The following HK1 variants were observed in gnomAD, a reference collection of about 807,000 sequenced individuals.
HK1 encodes hexokinase 1.
Under a neutral mutation model 91.6 loss-of-function variants are expected in HK1, and 28 were observed. That is an observed-to-expected ratio of 0.31 (90% CI 0.23 to 0.42). The LOEUF (loss-of-function observed/expected upper bound fraction) is 0.42. HK1 is among the 10% of genes least tolerant of loss of function. The pLI, the probability that HK1 is intolerant of heterozygous loss-of-function variation, is 1.00. For missense variants in HK1, 770 were observed against 1,219.8 expected (o/e 0.63, Z 5.49); for synonymous variants, 430 against 468.1 (o/e 0.92, Z 1.05).
chr10:69,316,594 G>A (rs1466668319), upstream of HK1, among the ~76,000 whole-genome samples: 3 of 152,238 alleles, frequency 2.0e-5, no homozygotes, highest in Admixed American at 6.5e-5. Flanking sequence ...GGAAGACAAA[G>A]CAGAGGCAGC....
At chr10:69,270,541 C>T (rs1261678671) in intron 1 of HK1, among the ~76,000 whole-genome samples, 4 of 151,898 alleles carry the variant, frequency 2.6e-5, no homozygotes, top group African/African-American at 7.3e-5. Flanking sequence ...CAAGATTGTG[C>T]CACTGCACTC....
chr10:69,382,366 C>A lies in HK1; in HGVS notation c.1266-121C>A, dbSNP rs575563456. The A allele has an allele frequency of 2.0e-5, 21 of 1,065,260 alleles. No individual in the cohort carries two copies. The South Asian group carries it at 2.3e-4, about 12-fold the overall frequency. 66.0% of individuals were successfully genotyped at this position (1,065,260 alleles called of 1,614,324 possible). A position where few individuals can be genotyped will look rare whatever the true frequency, so the allele number is the denominator to read the frequency against. On this transcript the variant is annotated intron_variant, in intron 9 of 17. Coordinates refer to ENST00000359426, the MANE Select transcript of HK1 (RefSeq NM_000188.3). Reference sequence around the variant, plus strand: ...CTCCAGCCTGGGTGACAGAGCAAGACCCTGTCTCAAAAAAAAGGAAAAGAA... The same window carrying A: ...CTCCAGCCTGGGTGACAGAGCAAGAACCTGTCTCAAAAAAAAGGAAAAGAA...
chr10:69,355,836 G>A (rs926325005), intron 2 of HK1, among the ~76,000 whole-genome samples: 1 of 151,992 alleles, frequency 6.6e-6, no homozygotes, highest in Non-Finnish European at 1.5e-5. Flanking sequence ...CATACATTAC[G>A]GTCAATTGAC....
At chr10:69,339,651 C>A (rs1379915591) in intron 1 of HK1, among the ~76,000 whole-genome samples, 1 of 152,184 alleles carries the variant, frequency 6.6e-6, no homozygotes, top group Non-Finnish European at 1.5e-5. Context: ...GTTTTTGGAT[C>A]AATGTCTGTG....
At chr10:69,364,987 T>A in intron 4 of HK1, 85 bp downstream of exon 4, 3 of 1,499,452 alleles carry the variant, frequency 2.0e-6, no homozygotes, top group Non-Finnish European at 2.8e-6. Flanking sequence ...ACTTTTCCCC[T>A]TTGTTGGCAG....
Position 69,276,118 on chromosome 10 carries a change from A to AAAAAT in HK1, c.-391+6011_-391+6012insAAATA. On this transcript the variant is annotated intron_variant, in intron 1 of 21. Coordinates refer to the HK1 transcript ENST00000360289. Reference sequence around the variant, plus strand: ...AAAAAAAAAAAAAAAAAAAAAAAAAAATACATATATATATATATATACACA... The same window carrying AAAAAT: ...AAAAAAAAAAAAAAAAAAAAAAAAAAAAAATATACATATATATATATATATACACA... Among the ~76,000 whole-genome samples, 41 of 38,272 alleles carry AAAAAT rather than the reference A, an allele frequency of 1.1e-3. 6 individuals carry two copies. The highest frequency in any genetic ancestry group is 1.7e-3 in the Admixed American group (3 of 1,798). 25.1% of individuals were successfully genotyped at this position (38,272 alleles called of 152,430 possible).
rs1839525136 is a variant in HK1 at position 69,384,228 on chromosome 10, G to T, written c.1571-105G>T. ...GGAGGAGTTGCAGCTTCTCCTCTATGTTTGCTATGGGGTTCTCCCCTTGAA... is the reference window on the plus strand; with the variant it reads ...GGAGGAGTTGCAGCTTCTCCTCTATTTTTGCTATGGGGTTCTCCCCTTGAA... On this transcript the variant is annotated intron_variant, in intron 10 of 17. Coordinates refer to ENST00000359426, the MANE Select transcript of HK1 (RefSeq NM_000188.3). 2.9e-6 allele frequency: 4 copies of T among 1,368,232 alleles called. No homozygotes were observed. In the African/African-American group the frequency reaches 5.7e-5, roughly 20 times the overall value. The allele number at this position is 1,368,232 out of a possible 1,614,324, so 84.8% of individuals were successfully genotyped here. A position where few individuals can be genotyped will look rare whatever the true frequency, so the allele number is the denominator to read the frequency against.
At chr10:69,286,125 A>G (rs1457110199) in intron 2 of HK1, among the ~76,000 whole-genome samples, 1 of 152,184 alleles carries the variant, frequency 6.6e-6, no homozygotes, top group Non-Finnish European at 1.5e-5. Context: ...GAAGGCAAAA[A>G]TGTGTGTGGA....
At chr10:69,329,311 T>C (rs1847568988) in intron 1 of HK1, among the ~76,000 whole-genome samples, 1 of 152,054 alleles carries the variant, frequency 6.6e-6, no homozygotes, top group African/African-American at 2.4e-5. Context: ...TATAGGCGCA[T>C]GCCACCATGC....
chr10:69,324,256 C>T (rs571317684), intron 1 of HK1, among the ~76,000 whole-genome samples: 1 of 152,212 alleles, frequency 6.6e-6, no homozygotes, highest in Non-Finnish European at 1.5e-5. Flanking sequence ...GGGGTGACAA[C>T]TATAAACAAG....
intron 2 of HK1, among the ~76,000 whole-genome samples, chr10:69,353,269 G>C (rs566849092): frequency 4.8e-4 from 73 of 152,086 alleles, no homozygotes; most frequent in Non-Finnish European, 9.3e-4. Flanking sequence ...TTAATCAATC[G>C]CAACTGTGTA....
intron 7 of HK1, among the ~76,000 whole-genome samples, chr10:69,375,391 A>G (rs1293618725): frequency 6.6e-6 from 1 of 152,188 alleles, no homozygotes; most frequent in Non-Finnish European, 1.5e-5. Context: ...ACCAGTGCTG[A>G]GATTCCTGTT....
At chr10:69,339,108 G>C (rs1349072286) in intron 1 of HK1, among the ~76,000 whole-genome samples, 1 of 152,194 alleles carries the variant, frequency 6.6e-6, no homozygotes, top group East Asian at 1.9e-4. Context: ...GCTCAGTGAA[G>C]TGCTGGGTTC....
intron 10 of HK1, among the ~76,000 whole-genome samples, chr10:69,383,259 G>A (rs1157045152): frequency 6.6e-6 from 1 of 152,248 alleles, no homozygotes; most frequent in Non-Finnish European, 1.5e-5. Flanking sequence ...GCCAAGGAAA[G>A]CCAGCAGAAG....
At position 69,372,417 on chromosome 10, in the gene HK1, CA is replaced by C. The variant is rs1482464937; in HGVS notation, c.875+2794del. 3.3e-5 allele frequency among the ~76,000 whole-genome samples: 5 copies of C among 152,360 alleles called. No homozygotes were observed. The East Asian group carries it at 9.6e-4, about 29-fold the overall frequency. ...CCTAAGCAAATTTTTGCTGTGCCCC[CA>C]GGCTTCTATCTGAATCTTTGGATCT... On this transcript the variant is annotated intron_variant, in intron 7 of 17. Transcript: ENST00000359426.
chr10:69,346,426 A>G (rs990068787), intron 2 of HK1, among the ~76,000 whole-genome samples: 1 of 152,234 alleles, frequency 6.6e-6, no homozygotes, highest in African/African-American at 2.4e-5. Flanking sequence ...CTGACTTTCC[A>G]GAAGCATTTC....
chr10:69,276,118 A>AAAAAAAAAAAATATATAT, intron 1 of HK1, among the ~76,000 whole-genome samples: 2 of 38,270 alleles, frequency 5.2e-5, no homozygotes, highest in Non-Finnish European at 5.1e-5. Context: ...AAAAAAAAAA[A>AAAAAAAAAAAATATATAT]ATACATATAT....
At chr10:69,337,231 G>A (rs2132654057) in intron 1 of HK1, among the ~76,000 whole-genome samples, 1 of 152,306 alleles carries the variant, frequency 6.6e-6, no homozygotes. Flanking sequence ...AAATGGAAAT[G>A]CTTAAGGTGA....
At chr10:69,384,263 T>A (rs1839526758) in intron 10 of HK1, 70 bp from the exon 11 acceptor site, 1 of 1,586,520 alleles carries the variant, frequency 6.3e-7, no homozygotes, top group African/African-American at 1.3e-5. Context: ...AAGTCTGGAG[T>A]CTTGGGGTTA....
Sources: gnomAD v4.1 joint callset for allele counts (sites outside exome capture counted in the v4.1 genomes callset) on GRCh38, gnomAD v4.1.1 for gene constraint, MANE v1.5 for transcripts, NCBI Gene and HGNC (gene_info 2026-07-23, HGNC 2026-07-21) for gene names.